Variants in DMD observed in about 807,000 individuals in gnomAD.
DMD encodes mutant dystrophin.
Under a neutral mutation model 330.1 loss-of-function variants are expected in DMD, and 63 were observed. The observed-to-expected ratio is 0.19, with a 90% confidence interval of 0.16 to 0.24. The LOEUF (loss-of-function observed/expected upper bound fraction) is 0.24. Ranked by LOEUF, DMD falls within the 10% of genes least tolerant of loss-of-function variation. DMD has a pLI of 1.00. For synonymous variants in DMD, 1,223 were observed against 959.8 expected, an observed-to-expected ratio of 1.27 and a Z score of -5.07; for missense variants, 3,344 against 2,684.1, an observed-to-expected ratio of 1.25 and a Z score of -5.43.
At chrX:32,103,389 A>G (rs1391083978) in intron 44 of DMD, among the ~76,000 whole-genome samples, 1 of 111,776 alleles carries the variant, frequency 8.9e-6, no homozygotes, top group Non-Finnish European at 1.9e-5. Context: ...TTACTAAGAG[A>G]AGAATCTTTC....
At chrX:32,812,212 G>A (rs920872859) in intron 6 of DMD, among the ~76,000 whole-genome samples, 1 of 111,252 alleles carries the variant, frequency 9.0e-6, no homozygotes, top group Non-Finnish European at 1.9e-5. Flanking sequence ...TACAGTTTTA[G>A]AATATTTGAA....
At chrX:31,544,511 T>G (rs2074036771) in intron 55 of DMD, among the ~76,000 whole-genome samples, 1 of 109,770 alleles carries the variant, frequency 9.1e-6, no homozygotes, top group African/African-American at 3.3e-5. Context: ...AAAGGAAAAT[T>G]TTTACCTCTG....
intron 15 of DMD, among the ~76,000 whole-genome samples, chrX:32,567,657 A>G (rs554651222): frequency 8.9e-6 from 1 of 112,724 alleles, no homozygotes; most frequent in South Asian, 3.6e-4. Flanking sequence ...TTGGCCTCCC[A>G]AAGTGCTGGG....
intron 64 of DMD, among the ~76,000 whole-genome samples, chrX:31,216,805 T>G (rs1273399724): frequency 9.0e-6 from 1 of 111,654 alleles, no homozygotes; most frequent in Non-Finnish European, 1.9e-5. Context: ...AGGCGGTGCA[T>G]TTTTCACCTG....
chrX:31,147,194 CTAT>C lies in DMD; in HGVS notation c.10797+78_10797+80del, dbSNP rs2036820580. ...ACTTAAGAATTGATGCTTGTTGCAC[CTAT>C]AAAAAGTGCTCTCTGAGGTTTAGTT... On this transcript the variant is annotated intron_variant, in intron 75 of 78. Transcript: ENST00000357033. 6 of 1,173,805 alleles carry C rather than the reference CTAT, an allele frequency of 5.1e-6. No homozygotes were observed. The South Asian group carries it at 9.0e-5, about 18-fold the overall frequency.
intron 43 of DMD, among the ~76,000 whole-genome samples, chrX:32,233,065 C>T (rs979471350): frequency 2.4e-4 from 27 of 112,014 alleles, no homozygotes; most frequent in African/African-American, 8.1e-4. Flanking sequence ...ATTTATTGAG[C>T]GCTTAGTCCT....
At chrX:32,737,240 C>T (rs749398998) in intron 7 of DMD, among the ~76,000 whole-genome samples, 1 of 111,018 alleles carries the variant, frequency 9.0e-6, no homozygotes, top group East Asian at 2.8e-4. Context: ...ACATGTTTCA[C>T]TTGGAATAAA....
intron 59 of DMD, among the ~76,000 whole-genome samples, chrX:31,445,361 C>A (rs1442832984): frequency 9.0e-6 from 1 of 111,189 alleles, no homozygotes. Context: ...AATTGAGGAA[C>A]CTGGGATACC....
chrX:31,802,512 A>C (rs776571112), intron 50 of DMD, among the ~76,000 whole-genome samples: 1 of 111,704 alleles, frequency 9.0e-6, no homozygotes, highest in Non-Finnish European at 1.9e-5. Context: ...GATAAATCTA[A>C]AAATGAAAGC....
intron 13 of DMD, among the ~76,000 whole-genome samples, chrX:32,593,128 C>A (rs763706447): frequency 8.9e-6 from 1 of 112,737 alleles, no homozygotes; most frequent in African/African-American, 3.2e-5. Flanking sequence ...GCAAGGAGCC[C>A]AGCGGGCACA....
intron 55 of DMD, among the ~76,000 whole-genome samples, chrX:31,551,010 T>C (rs947605377): frequency 9.0e-6 from 1 of 110,941 alleles, no homozygotes; most frequent in African/African-American, 3.3e-5. Flanking sequence ...TGAAACCCCA[T>C]CTCTACTAAA....
chrX:32,086,757 T>C (rs1021266502), intron 44 of DMD, among the ~76,000 whole-genome samples: 3 of 111,498 alleles, frequency 2.7e-5, no homozygotes, highest in African/African-American at 9.8e-5. Context: ...TTTTCCTGCC[T>C]AGTAGATTGG....
chrX:31,958,655 C>T (rs758938369), intron 45 of DMD, among the ~76,000 whole-genome samples: 5 of 111,472 alleles, frequency 4.5e-5, no homozygotes, highest in Non-Finnish European at 9.4e-5. Context: ...AATGTGTACT[C>T]TGGGAATTCT....
At chrX:31,773,319 G>A (rs1222339485) in intron 51 of DMD, among the ~76,000 whole-genome samples, 2 of 112,031 alleles carry the variant, frequency 1.8e-5, no homozygotes, top group African/African-American at 3.2e-5. Context: ...TCTAGTTGAT[G>A]TCATAATTTT....
chrX:32,614,283 G>A lies in DMD; in HGVS notation c.1482+20C>T, dbSNP rs766314821. 2.6e-5 allele frequency: 31 copies of A among 1,203,094 alleles called. No individual in the cohort carries two copies. The highest frequency in any genetic ancestry group is 3.4e-5 in the Non-Finnish European group (30 of 891,261). ...GAGTTTGCTTTCTAGTAGAAAGCAC[G>A]CAACATAAGATACACCTACCTTATG... On this transcript the variant is annotated intron_variant, in intron 12 of 78. Transcript: ENST00000357033.
chrX:32,260,231 A>C (rs2097316359), intron 43 of DMD, among the ~76,000 whole-genome samples: 1 of 111,202 alleles, frequency 9.0e-6, no homozygotes, highest in Non-Finnish European at 1.9e-5. Flanking sequence ...AATACCTCTG[A>C]AGTTTCAATG....
At chrX:32,540,238 T>C (rs1344064193) in intron 17 of DMD, among the ~76,000 whole-genome samples, 1 of 111,425 alleles carries the variant, frequency 9.0e-6, no homozygotes, top group Non-Finnish European at 1.9e-5. Flanking sequence ...ATCACTGAAT[T>C]GCAGGAATAA....
intron 60 of DMD, among the ~76,000 whole-genome samples, chrX:31,366,470 CAAAAAAA>C (rs34216082): frequency 2.8e-4 from 3 of 10,653 alleles, no homozygotes; most frequent in South Asian, 0.043. Flanking sequence ...CTCTCTCTCT[CAAAAAAA>C]AAAAAAAAAA....
At chrX:33,123,604 G>C (rs1005466920) in intron 1 of DMD, among the ~76,000 whole-genome samples, 1 of 109,213 alleles carries the variant, frequency 9.2e-6, no homozygotes, top group Non-Finnish European at 1.9e-5. Context: ...TTTTAGGAGA[G>C]ACAGGGTTTC....
Sources: gnomAD v4.1 joint callset for allele counts (sites outside exome capture counted in the v4.1 genomes callset) on GRCh38, gnomAD v4.1.1 for gene constraint, MANE v1.5 for transcripts, NCBI Gene and HGNC (gene_info 2026-07-23, HGNC 2026-07-21) for gene names.